Variants in DPP6 observed in about 807,000 individuals in gnomAD.
The protein encoded by DPP6 is A-type potassium channel modulatory protein DPP6.
Under a neutral mutation model 122.6 loss-of-function variants are expected in DPP6, and 69 were observed. That is an observed-to-expected ratio of 0.56 (90% CI 0.46 to 0.69). DPP6 has a LOEUF of 0.69. Ranked by LOEUF, DPP6 falls within the 30% of genes least tolerant of loss-of-function variation. The pLI is 0.00. For missense variants in DPP6, 928 were observed against 1,116.9 expected (o/e 0.83, Z 2.41); for synonymous variants, 418 against 433.1 (o/e 0.97, Z 0.43).
At chr7:154,003,382 G>A (rs908984819) in intron 1 of DPP6, among the ~76,000 whole-genome samples, 31 of 152,310 alleles carry the variant, frequency 2.0e-4, no homozygotes, top group African/African-American at 7.0e-4. Flanking sequence ...AGTGAGGAAA[G>A]CTTTAAGAGA....
At chr7:154,848,043 G>A (rs949094988) in intron 16 of DPP6, among the ~76,000 whole-genome samples, 1 of 152,180 alleles carries the variant, frequency 6.6e-6, no homozygotes, top group Admixed American at 6.5e-5. Context: ...CTGTGTATAT[G>A]TACCTATGTT....
chr7:154,196,450 G>A (rs1428562925), intron 1 of DPP6, among the ~76,000 whole-genome samples: 1 of 152,124 alleles, frequency 6.6e-6, no homozygotes, highest in African/African-American at 2.4e-5. Flanking sequence ...AGATTGTGCC[G>A]CTGCACTCCA....
intron 7 of DPP6, among the ~76,000 whole-genome samples, chr7:154,680,073 A>T (rs1030195721): frequency 6.6e-6 from 1 of 152,152 alleles, no homozygotes; most frequent in Non-Finnish European, 1.5e-5. Context: ...GGAAATAATT[A>T]TGGGGCCCTT....
chr7:154,306,688 C>G (rs907106551), intron 1 of DPP6, among the ~76,000 whole-genome samples: 1 of 152,038 alleles, frequency 6.6e-6, no homozygotes, highest in Non-Finnish European at 1.5e-5. Flanking sequence ...TAAAAGGGGG[C>G]CATTTTATTA....
At chr7:154,135,492 G>C (rs1323040597) in intron 1 of DPP6, among the ~76,000 whole-genome samples, 1 of 151,972 alleles carries the variant, frequency 6.6e-6, no homozygotes, top group East Asian at 1.9e-4. Context: ...CTTCCTATCT[G>C]TGCACTTCCT....
intron 1 of DPP6, among the ~76,000 whole-genome samples, chr7:154,007,424 G>A (rs183756356): frequency 1.1e-3 from 171 of 152,202 alleles, no homozygotes; most frequent in African/African-American, 3.9e-3. Context: ...AAGCTGCTCT[G>A]CTTGGTCATT....
intron 6 of DPP6, among the ~76,000 whole-genome samples, chr7:154,639,180 T>C (rs559195732): frequency 6.6e-6 from 1 of 152,340 alleles, no homozygotes; most frequent in Non-Finnish European, 1.5e-5. Flanking sequence ...TAATTTAATG[T>C]GGGCTTTAGA....
intron 1 of DPP6, among the ~76,000 whole-genome samples, chr7:154,444,396 CA>C (rs1190994093): frequency 6.6e-6 from 1 of 151,774 alleles, no homozygotes; most frequent in Admixed American, 6.6e-5. Flanking sequence ...ACCTGGGAGG[CA>C]GAGCTTGCAG....
intron 8 of DPP6, among the ~76,000 whole-genome samples, chr7:154,751,762 G>A (rs983483733): frequency 6.6e-6 from 1 of 152,170 alleles, no homozygotes; most frequent in Non-Finnish European, 1.5e-5. Flanking sequence ...CGCCCCCGAG[G>A]CAGGGACGGA....
rs189308513 is a variant in DPP6, at chr7:154,456,132, C to A, written c.358+9804C>A. 1.1e-3 allele frequency among the ~76,000 whole-genome samples: 174 copies of A among 152,268 alleles called. 1 individual carries two copies. Among genetic ancestry groups the A allele is most frequent in the Non-Finnish European group, 8.8e-4 (60 of 68,016 alleles). ...ATAATAAAATCGGAGAACTGGAGAG[C>A]AATTCTGTAAAATGAACTAAGCAGG... On this transcript the variant is annotated intron_variant, in intron 2 of 25. Coordinates refer to ENST00000377770, the MANE Select transcript of DPP6 (RefSeq NM_130797.4).
chr7:153,880,143 C>A, the DPP6 span, among the ~76,000 whole-genome samples: 1 of 152,138 alleles, frequency 6.6e-6, no homozygotes, highest in Non-Finnish European at 1.5e-5. Flanking sequence ...GTGATATGAG[C>A]ATTTGTTACA....
chr7:153,888,452 T>G (rs1054145353), intron 1 of DPP6, among the ~76,000 whole-genome samples: 2 of 152,072 alleles, frequency 1.3e-5, no homozygotes, highest in East Asian at 3.9e-4. Context: ...GCGATCCGCC[T>G]CCCCAGCGAG....
chr7:154,159,311 T>A (rs984155184), intron 1 of DPP6, among the ~76,000 whole-genome samples: 2 of 149,830 alleles, frequency 1.3e-5, no homozygotes, highest in Non-Finnish European at 3.0e-5. Context: ...CTCCCACCCA[T>A]GGTCTGTCTT....
chr7:154,425,643 T>G (rs1408940636), intron 1 of DPP6, among the ~76,000 whole-genome samples: 8 of 151,668 alleles, frequency 5.3e-5, no homozygotes, highest in African/African-American at 1.9e-4. Flanking sequence ...TGTGTGTGTG[T>G]GTGTGTGTGT....
chr7:153,841,307 A>G, the DPP6 span, among the ~76,000 whole-genome samples: 1 of 152,234 alleles, frequency 6.6e-6, no homozygotes, highest in Non-Finnish European at 1.5e-5. Flanking sequence ...TTATGTAAGT[A>G]ACCTCCAGGA....
intron 1 of DPP6, among the ~76,000 whole-genome samples, chr7:154,368,713 C>T (rs1812390201): frequency 6.6e-6 from 1 of 152,166 alleles, no homozygotes; most frequent in South Asian, 2.1e-4. Flanking sequence ...TAACATCGTT[C>T]GCAACAGTTG....
At position 154,759,717 on chromosome 7, in the gene DPP6, C is replaced by T. The variant is rs531306623; in HGVS notation, c.884-9700C>T. ...TCTGTTCCTCCAATTCCCTGTAAGGCCCCTCTCTGTGTCCAGCCAGATAGC... is the reference window on the plus strand; with the variant it reads ...TCTGTTCCTCCAATTCCCTGTAAGGTCCCTCTCTGTGTCCAGCCAGATAGC... On this transcript the variant is annotated intron_variant, in intron 8 of 25. Transcript: ENST00000377770. 4.6e-5 allele frequency among the ~76,000 whole-genome samples: 7 copies of T among 152,368 alleles called. No individual in the cohort carries two copies. In the South Asian group the frequency reaches 1.4e-3, roughly 32 times the overall value.
intron 1 of DPP6, among the ~76,000 whole-genome samples, chr7:154,082,467 A>G (rs963346393): frequency 3.2e-4 from 49 of 152,148 alleles, no homozygotes; most frequent in Admixed American, 5.9e-4. Context: ...GTCAAATCCC[A>G]GTTATTGCAG....
the DPP6 span, among the ~76,000 whole-genome samples, chr7:153,870,348 T>G: frequency 1.3e-5 from 2 of 152,212 alleles, no homozygotes; most frequent in Non-Finnish European, 2.9e-5. Flanking sequence ...ACTTGTTTGT[T>G]TCTTTTTATT....
Sources: gnomAD v4.1 joint callset for allele counts (sites outside exome capture counted in the v4.1 genomes callset) on GRCh38, gnomAD v4.1.1 for gene constraint, MANE v1.5 for transcripts, NCBI Gene and HGNC (gene_info 2026-07-23, HGNC 2026-07-21) for gene names.